Variants in TFDP1 observed in about 807,000 individuals in gnomAD.
The protein encoded by TFDP1 is transcription factor Dp-1, also known as DRTF1-polypeptide 1.
Under a neutral mutation model 48.0 loss-of-function variants are expected in TFDP1, and 6 were observed. That is an observed-to-expected ratio of 0.13 (90% CI 0.07 to 0.25). TFDP1 has a LOEUF of 0.25. Among genes scored for constraint, TFDP1 ranks in the 10% least tolerant of loss-of-function variants. TFDP1 has a pLI of 1.00. For missense variants in TFDP1, 335 were observed against 543.0 expected, an observed-to-expected ratio of 0.62 and a Z score of 3.81; for synonymous variants, 201 against 211.6, an observed-to-expected ratio of 0.95 and a Z score of 0.44.
chr13:113,637,310 T>C, intron 10 of TFDP1: 3 of 257,424 alleles, frequency 1.2e-5, no homozygotes, highest in Non-Finnish European at 1.5e-5. Context: ...GGGTGTAGAT[T>C]TATTCCCTGA....
At chr13:113,605,544 A>C (rs1057067645) in intron 2 of TFDP1, among the ~76,000 whole-genome samples, 8 of 152,212 alleles carry the variant, frequency 5.3e-5, no homozygotes, top group African/African-American at 1.9e-4. Flanking sequence ...ATTCTCATGC[A>C]GTTGCAGTTG....
At chr13:113,630,757 A>G (rs4150769) in intron 4 of TFDP1, among the ~76,000 whole-genome samples, 1 of 152,120 alleles carries the variant, frequency 6.6e-6, no homozygotes, top group African/African-American at 2.4e-5. Flanking sequence ...TCACACTCGA[A>G]CATTCATTGT....
At chr13:113,620,735 A>G (rs991593669) in intron 3 of TFDP1, among the ~76,000 whole-genome samples, 1 of 152,262 alleles carries the variant, frequency 6.6e-6, no homozygotes, top group Admixed American at 6.5e-5. Flanking sequence ...CCTTTCACAT[A>G]TATAAAACAA....
chr13:113,591,184 A>G (rs1264963336), intron 2 of TFDP1, among the ~76,000 whole-genome samples: 1 of 150,484 alleles, frequency 6.6e-6, no homozygotes, highest in Non-Finnish European at 1.5e-5. Flanking sequence ...TCTACTAAAC[A>G]TACAGAAATT....
intron 10 of TFDP1, chr13:113,637,479 C>A: frequency 1.1e-6 from 1 of 874,006 alleles, no homozygotes; most frequent in Non-Finnish European, 1.6e-6. Flanking sequence ...CCAGGATGGG[C>A]TGTGGGAAGA....
At chr13:113,610,953 C>G (rs376793994) in intron 2 of TFDP1, 43 bp from the exon 3 acceptor site, 8 of 1,598,112 alleles carry the variant, frequency 5.0e-6, no homozygotes, top group Non-Finnish European at 6.9e-6. Context: ...TTTCGTAGCC[C>G]TTTTAGCTGT....
intron 10 of TFDP1, 135 bp downstream of exon 10, chr13:113,636,835 AAG>A: frequency 8.9e-7 from 1 of 1,120,762 alleles, no homozygotes; most frequent in Non-Finnish European, 1.2e-6. Context: ...AGCAAAGACA[AAG>A]GGGCTGTGAG....
At chr13:113,596,299 T>G (rs1192531764) in intron 2 of TFDP1, among the ~76,000 whole-genome samples, 1 of 152,230 alleles carries the variant, frequency 6.6e-6, no homozygotes, top group Non-Finnish European at 1.5e-5. Flanking sequence ...TGCCTGAGTT[T>G]GAGGTCATAT....
chr13:113,618,354 T>G (rs759976079), intron 3 of TFDP1, among the ~76,000 whole-genome samples: 8 of 152,116 alleles, frequency 5.3e-5, no homozygotes, highest in Non-Finnish European at 1.0e-4. Context: ...AAACTCTGTC[T>G]CTACAAAAAA....
chr13:113,636,272 G>T, intron 9 of TFDP1, 144 bp downstream of exon 9: 1 of 1,210,854 alleles, frequency 8.3e-7, no homozygotes, highest in South Asian at 1.5e-5. Context: ...GGGGGTGGTG[G>T]GAGGCTGCCG....
intron 9 of TFDP1, among the ~76,000 whole-genome samples, 154 bp from the exon 10 acceptor site, chr13:113,636,380 C>T (rs546830886): frequency 1.3e-5 from 2 of 152,246 alleles, no homozygotes; most frequent in East Asian, 1.9e-4. Flanking sequence ...ATCTCATTTA[C>T]TTCAGAGTTT....
chr13:113,636,264 G>A, intron 9 of TFDP1, 136 bp downstream of exon 9: 1 of 1,292,938 alleles, frequency 7.7e-7, no homozygotes, highest in South Asian at 1.4e-5. Context: ...GTCCATTGGG[G>A]GGTGGTGGGA....
intron 11 of TFDP1, among the ~76,000 whole-genome samples, chr13:113,638,835 A>G (rs2049569542): frequency 6.6e-6 from 1 of 152,234 alleles, no homozygotes; most frequent in African/African-American, 2.4e-5. Context: ...AATATATAGT[A>G]TTACTTTATA....
In TFDP1 at chr13:113,607,023, C is replaced by G. The variant is rs2048586839; in HGVS notation, c.13-3973C>G. On this transcript the variant is annotated intron_variant, in intron 2 of 11. Transcript: ENST00000375370. This position sits in a 1 kb window ranked among gnomAD's most constrained non-coding sequence, Gnocchi z 5.2. The stretch of plus-strand genomic sequence containing the variant: ...GAGGTCTGCTTTAGAGGCCCTGCGG[C>G]CCCAGAAGTCATGCCTCTGAGTCCG... Among the ~76,000 whole-genome samples the G allele has an allele frequency of 6.6e-6, 1 of 152,228 alleles. No homozygotes were observed. The highest frequency in any genetic ancestry group is 6.5e-5 in the Admixed American group (1 of 15,288).
chr13:113,587,624 A>G (rs1230232421), intron 2 of TFDP1, among the ~76,000 whole-genome samples: 1 of 150,850 alleles, frequency 6.6e-6, no homozygotes, highest in Non-Finnish European at 1.5e-5. Context: ...AGCTAGGATT[A>G]CAGGCATGTG....
intron 2 of TFDP1, among the ~76,000 whole-genome samples, chr13:113,588,989 ATGG>A (rs2048075350): frequency 6.7e-6 from 1 of 148,714 alleles, no homozygotes; most frequent in Admixed American, 6.7e-5. Flanking sequence ...GTGAGTGGTG[ATGG>A]TGGTAGACTG....
chr13:113,623,275 G>T lies in TFDP1; in HGVS notation c.175G>T (p.Ala59Ser), dbSNP rs558392124. 6.2e-7 allele frequency: 1 copy of T among 1,611,482 alleles called. No homozygotes were observed. The highest frequency in any genetic ancestry group is 8.5e-7 in the Non-Finnish European group (1 of 1,178,850). Reference sequence around the variant, plus strand: ...CTTTGGACAGTCCAATGTCAACATTGCCCAGCAAGTGGTAAGCCTCCCGCA... The same window carrying T: ...CTTTGGACAGTCCAATGTCAACATTTCCCAGCAAGTGGTAAGCCTCCCGCA... ...KTFGQSNVNI[A>S]QQVVIGTPQR... Residue 59 changes from alanine to serine, a missense_variant, in exon 4 of 12, where the codon GCC (alanine) becomes TCC (serine). Transcript: ENST00000375370. The surrounding 1 kb of genome is among the most constrained non-coding windows in gnomAD (Gnocchi z 5.2).
intron 10 of TFDP1, chr13:113,637,216 A>G: frequency 5.0e-6 from 1 of 199,586 alleles, no homozygotes; most frequent in Non-Finnish European, 1.0e-5. Context: ...GTAGGGTCCC[A>G]GCCACTGACA....
Position 113,636,078 on chromosome 13 carries a change from C to T in TFDP1, c.789C>T (p.Ile263=), listed in dbSNP as rs200050514. ...PNSVIHLPFI[I]VNTSKKTVID... ...CAGTCATCCACCTGCCCTTCATCAT[C>T]GTCAACACCAGCAAGAAGACGGTCA... Residue 263 remains isoleucine, a synonymous_variant, in exon 9 of 12, where the codon ATC becomes ATT. Coordinates refer to ENST00000375370, the MANE Select transcript of TFDP1 (RefSeq NM_007111.5). The T allele has an allele frequency of 2.3e-4, 364 of 1,614,098 alleles. No individual in the cohort carries two copies. Among genetic ancestry groups the T allele is most frequent in the South Asian group, 1.1e-3 (97 of 91,086 alleles).
Sources: allele counts gnomAD v4.1 joint callset (sites outside exome capture counted in the v4.1 genomes callset), GRCh38; gene constraint gnomAD v4.1.1; non-coding constraint Gnocchi (gnomAD v3.1); transcripts MANE v1.5; gene names NCBI Gene and HGNC (gene_info 2026-07-23, HGNC 2026-07-21).